Variants in NELL2 observed in about 807,000 individuals in gnomAD.
NELL2 encodes protein kinase C-binding protein NELL2.
In NELL2, 41 loss-of-function variants were observed where a neutral mutation model predicts 109.6. The ratio of observed to expected loss-of-function variants is 0.37; its 90% CI spans 0.29 to 0.49. The LOEUF (loss-of-function observed/expected upper bound fraction) is 0.49, where lower values mean the gene tolerates loss of function less well. NELL2 is among the 20% of genes least tolerant of loss of function. The pLI is 0.98. For synonymous variants in NELL2, 355 were observed against 344.7 expected, an observed-to-expected ratio of 1.03 and a Z score of -0.33; for missense variants, 900 against 1,008.3, an observed-to-expected ratio of 0.89 and a Z score of 1.45.
intron 13 of NELL2, among the ~76,000 whole-genome samples, chr12:44,634,885 T>C (rs141256423): frequency 1.8e-3 from 281 of 152,248 alleles, no homozygotes; most frequent in African/African-American, 6.4e-3. Context: ...TGGTTTTCTG[T>C]TCTTGTGTTA....
rs116634684 is a variant in NELL2 at position 44,777,569 on chromosome 12, G to A, written c.607-255C>T. ...AGATTAAATGTCAAGATATAACTAA[G>A]AGGCAATAGTTATGTTGTTTTGAGA... is the stretch of plus-strand genomic sequence containing the variant. On this transcript the variant is annotated intron_variant, in intron 5 of 19. Transcript: ENST00000429094. Among the ~76,000 whole-genome samples the A allele has an allele frequency of 2.9e-3, 437 of 152,238 alleles. 3 individuals carry two copies. Among genetic ancestry groups the A allele is most frequent in the Middle Eastern group, 0.01 (3 of 292 alleles).
intron 9 of NELL2, among the ~76,000 whole-genome samples, chr12:44,749,595 T>C (rs1940553230): frequency 1.3e-5 from 2 of 152,100 alleles, no homozygotes; most frequent in African/African-American, 2.4e-5. Context: ...GAAGAGAGAC[T>C]GAGAAAAAAC....
intron 15 of NELL2, among the ~76,000 whole-genome samples, chr12:44,539,041 A>G (rs1301404825): frequency 1.3e-5 from 2 of 152,142 alleles, no homozygotes; most frequent in African/African-American, 4.8e-5. Flanking sequence ...TCCTTGGGGA[A>G]GCTTTCCTGG....
chr12:44,523,638 C>G, intron 16 of NELL2, 154 bp from the exon 17 acceptor site: 1 of 624,572 alleles, frequency 1.6e-6, no homozygotes, highest in Non-Finnish European at 2.8e-6. Flanking sequence ...TTGACTAAAG[C>G]AATGTTAATG....
At chr12:44,592,450 T>C (rs1228305487) in intron 15 of NELL2, among the ~76,000 whole-genome samples, 2 of 152,176 alleles carry the variant, frequency 1.3e-5, no homozygotes, top group Non-Finnish European at 2.9e-5. Flanking sequence ...TGTTTCCCTC[T>C]TCCCAGAGCA....
At chr12:44,649,299 A>T (rs1947221496) in intron 13 of NELL2, among the ~76,000 whole-genome samples, 1 of 151,070 alleles carries the variant, frequency 6.6e-6, no homozygotes, top group African/African-American at 2.4e-5. Context: ...TTTTGGAAAC[A>T]TCACCCACTG....
chr12:44,697,681 C>T (rs978264432), intron 12 of NELL2, among the ~76,000 whole-genome samples: 2 of 152,008 alleles, frequency 1.3e-5, no homozygotes, highest in Non-Finnish European at 2.9e-5. Flanking sequence ...TATATGCACA[C>T]AATAAATTCA....
rs547178039 is a variant in NELL2, at chr12:44,685,996, T to C, written c.1318+17730A>G. Among the ~76,000 whole-genome samples the C allele has an allele frequency of 1.7e-3, 266 of 152,350 alleles. 1 individual carries two copies. The highest frequency in any genetic ancestry group is 5.9e-3 in the African/African-American group (244 of 41,590). On this transcript the variant is annotated intron_variant, in intron 12 of 19. Coordinates refer to ENST00000429094, the MANE Select transcript of NELL2 (RefSeq NM_001145108.2). ...AGATTGGGGAAGTTCTCCTGGATAA[T>C]ATCCTGCAGAGTGTTTTCCAACTTG... is the stretch of plus-strand genomic sequence containing the variant.
At chr12:44,566,110 G>C (rs1943647909) in intron 15 of NELL2, among the ~76,000 whole-genome samples, 1 of 152,146 alleles carries the variant, frequency 6.6e-6, no homozygotes, top group Admixed American at 6.6e-5. Context: ...AAGATGAAGA[G>C]TGGGAAAGAC....
intron 15 of NELL2, among the ~76,000 whole-genome samples, chr12:44,595,384 T>C (rs561308599): frequency 9.2e-5 from 14 of 152,316 alleles, no homozygotes; most frequent in Non-Finnish European, 1.9e-4. Flanking sequence ...GAAGAAGTTA[T>C]ATATCTTAAA....
At chr12:44,532,113 A>G (rs764917820) in intron 16 of NELL2, among the ~76,000 whole-genome samples, 1 of 152,132 alleles carries the variant, frequency 6.6e-6, no homozygotes, top group Non-Finnish European at 1.5e-5. Context: ...ATCACTAAAC[A>G]TCTCTTACTT....
intron 12 of NELL2, among the ~76,000 whole-genome samples, chr12:44,683,674 T>C (rs1948609353): frequency 1.3e-5 from 2 of 152,184 alleles, no homozygotes; most frequent in Admixed American, 1.3e-4. Context: ...TCTATTGAGA[T>C]AATCATGTGG....
intron 3 of NELL2, among the ~76,000 whole-genome samples, chr12:44,801,627 A>G (rs759935939): frequency 2.6e-5 from 4 of 152,142 alleles, no homozygotes; most frequent in African/African-American, 9.7e-5. Flanking sequence ...TGTCTGTAAG[A>G]TAGGAATAAT....
At chr12:44,876,856 T>C (rs112225098), upstream of NELL2, 2,145 of 1,303,768 alleles carry the variant, frequency 1.6e-3, 25 homozygotes, top group African/African-American at 0.028. Flanking sequence ...TAGAGACTGG[T>C]GGGGACGGAT....
intron 3 of NELL2, among the ~76,000 whole-genome samples, chr12:44,811,980 T>A (rs538560391): frequency 6.6e-6 from 1 of 152,002 alleles, no homozygotes; most frequent in African/African-American, 2.4e-5. Context: ...TGCCACCCCA[T>A]CTTCCCCCCA....
At chr12:44,882,905 G>T (rs2703040) in intron 1 of NELL2, among the ~76,000 whole-genome samples, 1 of 139,208 alleles carries the variant, frequency 7.2e-6, no homozygotes, top group African/African-American at 2.7e-5. Flanking sequence ...TAGTGGTGCA[G>T]TCTCAACTCA....
intron 13 of NELL2, among the ~76,000 whole-genome samples, chr12:44,622,622 T>C (rs1027623674): frequency 1.3e-5 from 2 of 152,124 alleles, no homozygotes; most frequent in African/African-American, 4.8e-5. Context: ...ACCATAGCAT[T>C]CCAACATAGA....
In NELL2 at chr12:44,714,664, G is replaced by T; in HGVS notation, c.1072C>A (p.Leu358Ile). Residue 358 changes from leucine (L) to isoleucine (I), a missense_variant, in exon 10 of 20, where the codon CTC (leucine) becomes ATC (isoleucine). Physicochemically the swap from Leu to Ile is conservative, Grantham distance 5. Around this residue, in one of 4 missense-constraint regions of NELL2, gnomAD observed 292 missense variants for 265.3 expected, o/e 1.10. Transcript: ENST00000429094. ...TVYSSSGVCV[L>I]YECKDQTMKL... The stretch of plus-strand genomic sequence containing the variant: ...AGTCTTCTTACCTTGCACTCATAGA[G>T]AACACATACTCCAGAAGAGGAATAG... 1 of 1,593,824 alleles carries T rather than the reference G, an allele frequency of 6.3e-7. No homozygotes were observed. The highest frequency in any genetic ancestry group is 8.5e-7 in the Non-Finnish European group (1 of 1,171,952).
intron 15 of NELL2, among the ~76,000 whole-genome samples, chr12:44,578,332 A>G (rs926993410): frequency 6.6e-6 from 1 of 152,166 alleles, no homozygotes; most frequent in African/African-American, 2.4e-5. Flanking sequence ...ATAGAAACAA[A>G]AAACCCCTCA....
Sources: gnomAD v4.1 joint callset for allele counts (sites outside exome capture counted in the v4.1 genomes callset) on GRCh38, gnomAD v4.1.1 for gene constraint, gnomAD v4.1.1 regional missense constraint, MANE v1.5 for transcripts, NCBI Gene and HGNC (gene_info 2026-07-23, HGNC 2026-07-21) for gene names.